SYT6: variants seen among roughly 807,000 people sequenced by gnomAD.
SYT6 encodes synaptotagmin 6.
SYT6 carries 24 observed loss-of-function variants against 38.4 expected under a neutral mutation model. That is an observed-to-expected ratio of 0.62 (90% CI 0.45 to 0.88). SYT6 has a LOEUF of 0.88. Among genes scored for constraint, SYT6 ranks in the 40% least tolerant of loss-of-function variants. The probability of loss-of-function intolerance (pLI) is 0.00; values close to 1 mark genes in which losing one functional copy is unlikely to be tolerated. For synonymous variants in SYT6, 265 were observed against 241.9 expected (o/e 1.10, Z -0.89); for missense variants, 611 against 621.0 (o/e 0.98, Z 0.17).
In SYT6 at chr1:114,092,101, T is replaced by C; in HGVS notation, c.*52-19A>G. On this transcript the variant is annotated intron_variant, in intron 7 of 7. Transcript: ENST00000610222. ...CCTGCCACTGCAAAGAGGAGAACAA[T>C]CTGTTTATTAATTGCTAAAGGAATT... 6.5e-7 allele frequency: 1 copy of C among 1,535,570 alleles called. No homozygotes were observed. Among genetic ancestry groups the C allele is most frequent in the Non-Finnish European group, 8.7e-7 (1 of 1,146,488 alleles).
chr1:114,138,075 C>A (rs1678616630), intron 2 of SYT6, 22 bp from the exon 3 acceptor site: 32 of 1,603,434 alleles, frequency 2.0e-5, no homozygotes, highest in African/African-American at 2.7e-5. Flanking sequence ...CAGGAGGGGG[C>A]AGAGGGAGTG....
intron 3 of SYT6, among the ~76,000 whole-genome samples, chr1:114,131,893 A>T (rs929108030): frequency 6.6e-6 from 1 of 152,230 alleles, no homozygotes; most frequent in African/African-American, 2.4e-5. Flanking sequence ...AAGTCCACAA[A>T]GAAAAAACAG....
intron 6 of SYT6, among the ~76,000 whole-genome samples, chr1:114,094,922 A>C (rs1399293016): frequency 1.3e-5 from 2 of 152,276 alleles, no homozygotes; most frequent in Admixed American, 1.3e-4. Flanking sequence ...CGTGGACACA[A>C]GGTGCTTACT....
intron 3 of SYT6, among the ~76,000 whole-genome samples, chr1:114,137,013 C>T (rs1678518772): frequency 6.6e-6 from 1 of 152,192 alleles, no homozygotes; most frequent in African/African-American, 2.4e-5. Context: ...TAAATGCAGC[C>T]TCTGTTGGCT....
intron 3 of SYT6, among the ~76,000 whole-genome samples, chr1:114,112,347 T>C (rs1033188499): frequency 2.0e-5 from 3 of 152,174 alleles, no homozygotes; most frequent in African/African-American, 7.2e-5. Context: ...GAAGCAAATG[T>C]TTCAGCATCT....
In SYT6 at chr1:114,137,754, A is replaced by T; in HGVS notation, c.812T>A (p.Ile271Asn). Residue 271 changes from isoleucine to asparagine, a missense_variant, in exon 3 of 8, where the codon ATC becomes AAC. Coordinates refer to ENST00000610222, the MANE Select transcript of SYT6 (RefSeq NM_001253772.2). ...GCATTTGCGGTCAGGCAGGAGGTAG[A>T]TCTTGACATAAGGGTCAGAGCTTCC... is the stretch of plus-strand genomic sequence containing the variant. ...FCGSSDPYVKIYLLPDRKCKL... is the reference protein window; with the variant it reads ...FCGSSDPYVKNYLLPDRKCKL... The T allele has an allele frequency of 6.2e-7, 1 of 1,614,106 alleles. No homozygotes were observed. The highest frequency in any genetic ancestry group is 8.5e-7 in the Non-Finnish European group (1 of 1,180,026).
chr1:114,102,002 G>A (rs1675995640), intron 4 of SYT6, among the ~76,000 whole-genome samples: 1 of 152,138 alleles, frequency 6.6e-6, no homozygotes, highest in Admixed American at 6.5e-5. Flanking sequence ...TGAAAGGGAG[G>A]TTAGAACTTA....
intron 3 of SYT6, among the ~76,000 whole-genome samples, chr1:114,108,441 C>A (rs1224357545): frequency 6.6e-6 from 1 of 152,146 alleles, no homozygotes; most frequent in Admixed American, 6.6e-5. Flanking sequence ...GGACTTTAGA[C>A]CCTCTACCCC....
At chr1:114,092,367 T>A (rs548060889) in intron 7 of SYT6, among the ~76,000 whole-genome samples, 4 of 150,754 alleles carry the variant, frequency 2.7e-5, no homozygotes, top group South Asian at 4.2e-4. Flanking sequence ...TGTGTGTGTG[T>A]GAGAATGAGG....
intron 3 of SYT6, among the ~76,000 whole-genome samples, chr1:114,112,408 C>T (rs2101015228): frequency 6.6e-6 from 1 of 152,370 alleles, no homozygotes; most frequent in East Asian, 1.9e-4. Context: ...TTTTCTCAGC[C>T]TCCCCTTCGT....
chr1:114,094,580 C>T (rs760932346), intron 6 of SYT6, among the ~76,000 whole-genome samples: 15 of 152,168 alleles, frequency 9.9e-5, no homozygotes, highest in African/African-American at 1.7e-4. Flanking sequence ...CAGGGAAAGA[C>T]ACCTTTTCAG....
At chr1:114,121,890 T>C (rs1212791077) in intron 3 of SYT6, among the ~76,000 whole-genome samples, 1 of 152,238 alleles carries the variant, frequency 6.6e-6, no homozygotes, top group East Asian at 1.9e-4. Context: ...CCTTGTCTCA[T>C]TGAAATTGTA....
intron 3 of SYT6, among the ~76,000 whole-genome samples, chr1:114,122,506 T>C (rs12046499): frequency 0.27 from 39,182 of 147,246 alleles, 5,277 homozygotes; most frequent in East Asian, 0.28. Flanking sequence ...TGTGTGTGTG[T>C]GCGCGCACAT....
intron 1 of SYT6, among the ~76,000 whole-genome samples, chr1:114,140,448 G>T (rs574454130): frequency 3.3e-5 from 5 of 151,868 alleles, no homozygotes; most frequent in South Asian, 2.1e-4. Context: ...TGATACCTTG[G>T]GGGGCAGAGG....
chr1:114,109,259 C>T (rs897490921), intron 3 of SYT6, among the ~76,000 whole-genome samples: 3 of 152,202 alleles, frequency 2.0e-5, no homozygotes, highest in Non-Finnish European at 4.4e-5. Flanking sequence ...GCCTGTGTTT[C>T]TCACCAGATT....
At chr1:114,110,682 T>C (rs1161192862) in intron 3 of SYT6, among the ~76,000 whole-genome samples, 2 of 152,138 alleles carry the variant, frequency 1.3e-5, no homozygotes, top group African/African-American at 4.8e-5. Flanking sequence ...CGGGAGAAAG[T>C]GAGCATGAGT....
intron 3 of SYT6, among the ~76,000 whole-genome samples, chr1:114,114,563 T>G (rs534755297): frequency 6.6e-6 from 1 of 152,312 alleles, no homozygotes; most frequent in African/African-American, 2.4e-5. Flanking sequence ...GCGGGTGGGC[T>G]GAATATTCCC....
chr1:114,122,055 G>C (rs1390461024), intron 3 of SYT6, among the ~76,000 whole-genome samples: 1 of 152,192 alleles, frequency 6.6e-6, no homozygotes, highest in Non-Finnish European at 1.5e-5. Flanking sequence ...AGGCTCTTGG[G>C]GCCTGGAACC....
At position 114,089,493 on chromosome 1, in the gene SYT6, T is replaced by TA. The variant is rs887130675; in HGVS notation, c.*2640dup. 6.6e-6 allele frequency: 1 copy of TA among 152,424 alleles called. No homozygotes were observed. The highest frequency in any genetic ancestry group is 1.5e-5 in the Non-Finnish European group (1 of 68,032). The allele number at this position is 152,424 out of a possible 1,614,324, so 9.4% of individuals were successfully genotyped here. ...GGAGAAGGGAACTTTTCATGTTTTT[T>TA]AAAAAAACCTATGTGCAAATGGCCC... On this transcript the variant is annotated 3_prime_UTR_variant, in exon 8 of 8. Coordinates refer to ENST00000610222, the MANE Select transcript of SYT6 (RefSeq NM_001253772.2).
Sources: allele counts gnomAD v4.1 joint callset (sites outside exome capture counted in the v4.1 genomes callset), GRCh38; gene constraint gnomAD v4.1.1; transcripts MANE v1.5; gene names NCBI Gene and HGNC (gene_info 2026-07-23, HGNC 2026-07-21).